GLIS3: variants seen among roughly 807,000 people sequenced by gnomAD.
The protein encoded by GLIS3 is zinc finger protein GLIS3.
GLIS3 carries 53 observed loss-of-function variants against 78.6 expected under a neutral mutation model. The observed-to-expected ratio is 0.67, with a 90% CI of 0.54 to 0.85. GLIS3 has a LOEUF of 0.85. Among genes scored for constraint, GLIS3 ranks in the 40% least tolerant of loss-of-function variants. The probability of loss-of-function intolerance (pLI) is 0.00; values close to 1 mark genes in which losing one functional copy is unlikely to be tolerated. For missense variants in GLIS3, 1,703 were observed against 1,231.1 expected, an observed-to-expected ratio of 1.38 and a Z score of -5.74; for synonymous variants, 684 against 509.9, an observed-to-expected ratio of 1.34 and a Z score of -4.60.
At chr9:4,068,060 G>A (rs983496458) in intron 4 of GLIS3, among the ~76,000 whole-genome samples, 2 of 152,094 alleles carry the variant, frequency 1.3e-5, no homozygotes, top group Non-Finnish European at 2.9e-5. Flanking sequence ...GCAACTAGTA[G>A]AGAAAAGACT....
intron 7 of GLIS3, among the ~76,000 whole-genome samples, chr9:3,884,929 C>T (rs1821973994): frequency 6.6e-6 from 1 of 152,144 alleles, no homozygotes; most frequent in Non-Finnish European, 1.5e-5. Context: ...GCAAAGGCTG[C>T]TTGTTGCCAA....
intron 6 of GLIS3, among the ~76,000 whole-genome samples, chr9:3,916,947 G>A (rs1824551803): frequency 6.6e-6 from 1 of 152,184 alleles, no homozygotes; most frequent in African/African-American, 2.4e-5. Context: ...GTCTAAAGAT[G>A]TACAATGCAA....
intron 2 of GLIS3, among the ~76,000 whole-genome samples, chr9:4,199,579 G>A (rs1819178201): frequency 6.7e-6 from 1 of 149,754 alleles, no homozygotes. Flanking sequence ...AAAAAAAAAA[G>A]TGGGGCTCAA....
At chr9:4,401,803 C>A in the GLIS3 span, among the ~76,000 whole-genome samples, 1 of 152,080 alleles carries the variant, frequency 6.6e-6, no homozygotes, top group Non-Finnish European at 1.5e-5. Context: ...ACCATGTTGC[C>A]CAGGCTGGTG....
At chr9:4,237,726 G>C (rs1296618251) in intron 2 of GLIS3, among the ~76,000 whole-genome samples, 1 of 152,158 alleles carries the variant, frequency 6.6e-6, no homozygotes, top group Admixed American at 6.5e-5. Flanking sequence ...TTGTTTTGCA[G>C]TATTTTCCCC....
chr9:4,177,699 T>A (rs924938012), intron 2 of GLIS3, among the ~76,000 whole-genome samples: 1 of 152,238 alleles, frequency 6.6e-6, no homozygotes, highest in Admixed American at 6.5e-5. Flanking sequence ...TGGATGAGTT[T>A]GGAAAGCCAG....
chr9:4,194,962 T>C (rs959787212), intron 2 of GLIS3, among the ~76,000 whole-genome samples: 1 of 152,182 alleles, frequency 6.6e-6, no homozygotes, highest in South Asian at 2.1e-4. Flanking sequence ...AACCTGGCAG[T>C]GTAGCCACAA....
chr9:3,899,852 A>G (rs1229439947), intron 6 of GLIS3, among the ~76,000 whole-genome samples: 4 of 152,248 alleles, frequency 2.6e-5, no homozygotes, highest in African/African-American at 9.6e-5. Context: ...TAAAACATAT[A>G]CAACCTCAGA....
At position 4,260,768 on chromosome 9, in the gene GLIS3, A is replaced by T. The variant is rs558150681; in HGVS notation, c.388+25270T>A. On this transcript the variant is annotated intron_variant, in intron 2 of 10. Coordinates refer to ENST00000381971, the MANE Select transcript of GLIS3 (RefSeq NM_001042413.2). ...CCAAAAAAGAAAAAAAAAGAAAAAAAGGACTGACTTGTCAAACACTTGCTC... is the reference window on the plus strand; with the variant it reads ...CCAAAAAAGAAAAAAAAAGAAAAAATGGACTGACTTGTCAAACACTTGCTC... Among the ~76,000 whole-genome samples, 4 of 152,112 alleles carry T rather than the reference A, an allele frequency of 2.6e-5. No individual in the cohort carries two copies. In the East Asian group the frequency reaches 7.7e-4, roughly 29 times the overall value.
chr9:4,397,192 AT>A, the GLIS3 span, among the ~76,000 whole-genome samples: 1 of 139,856 alleles, frequency 7.2e-6, no homozygotes, highest in African/African-American at 2.9e-5. Flanking sequence ...CGCCCGGCTA[AT>A]TTTTTGTATT....
At chr9:4,394,507 C>A in the GLIS3 span, among the ~76,000 whole-genome samples, 1 of 152,044 alleles carries the variant, frequency 6.6e-6, no homozygotes, top group East Asian at 1.9e-4. Flanking sequence ...GCACGGGAAA[C>A]CTGTAACTGT....
intron 2 of GLIS3, among the ~76,000 whole-genome samples, chr9:4,194,068 T>C (rs1250018878): frequency 6.6e-6 from 1 of 152,138 alleles, no homozygotes; most frequent in Non-Finnish European, 1.5e-5. Context: ...TTATTTATTT[T>C]CTTTGTAGAG....
intron 6 of GLIS3, among the ~76,000 whole-genome samples, chr9:3,908,706 G>GGTTTTT (rs1823892779): frequency 1.2e-5 from 1 of 85,554 alleles, no homozygotes; most frequent in African/African-American, 5.4e-5. Flanking sequence ...ATTTGTATTT[G>GGTTTTT]TTTTTTTTTT....
At chr9:4,272,996 C>A (rs1826655657) in intron 2 of GLIS3, among the ~76,000 whole-genome samples, 1 of 152,172 alleles carries the variant, frequency 6.6e-6, no homozygotes, top group Admixed American at 6.5e-5. Context: ...CTTTATTTCA[C>A]CTCAGTGCAT....
chr9:3,971,431 T>A (rs145787658), intron 4 of GLIS3, among the ~76,000 whole-genome samples: 25 of 152,254 alleles, frequency 1.6e-4, no homozygotes, highest in Middle Eastern at 3.4e-3. Context: ...CCCTTATACC[T>A]AAAAATGGTA....
chr9:4,281,840 G>A (rs376631561), intron 2 of GLIS3, among the ~76,000 whole-genome samples: 30 of 152,262 alleles, frequency 2.0e-4, no homozygotes, highest in African/African-American at 7.2e-4. Flanking sequence ...CAAGCTAGTA[G>A]TTTGCCTGGT....
intron 2 of GLIS3, among the ~76,000 whole-genome samples, chr9:4,285,334 C>T: frequency 6.6e-6 from 1 of 152,116 alleles, no homozygotes; most frequent in Admixed American, 6.5e-5. Context: ...AACAATTATT[C>T]TTTAATTTAA....
At position 4,300,019 on chromosome 9, in the gene GLIS3, G is replaced by A. The variant is rs946503052; in HGVS notation, c.-697C>T. ...GACGCGGCTGCAGGGAGAGGGGAAGGGGGAAGAGGGAGGGAGGAAGGCAGC... is the reference window on the plus strand; with the variant it reads ...GACGCGGCTGCAGGGAGAGGGGAAGAGGGAAGAGGGAGGGAGGAAGGCAGC... On this transcript the variant is annotated 5_prime_UTR_variant, in exon 1 of 11. Transcript: ENST00000381971. The A allele has an allele frequency of 6.6e-6, 1 of 152,414 alleles. No homozygotes were observed. The highest frequency in any genetic ancestry group is 6.5e-5 in the Admixed American group (1 of 15,282). The allele number at this position is 152,414 out of a possible 1,614,324, so 9.4% of individuals were successfully genotyped here.
At chr9:4,297,961 G>A (rs904153366) in intron 1 of GLIS3, among the ~76,000 whole-genome samples, 2 of 152,120 alleles carry the variant, frequency 1.3e-5, no homozygotes, top group African/African-American at 2.4e-5. Flanking sequence ...GGAGGCGGAG[G>A]CGACAGCGCC....
Sources: allele counts gnomAD v4.1 joint callset (sites outside exome capture counted in the v4.1 genomes callset), GRCh38; gene constraint gnomAD v4.1.1; transcripts MANE v1.5; gene names NCBI Gene and HGNC (gene_info 2026-07-23, HGNC 2026-07-21).